The following ZNF804A variants were observed in gnomAD, a reference collection of about 807,000 sequenced individuals.
ZNF804A encodes the protein zinc finger protein 804A.
ZNF804A carries 2 observed loss-of-function variants against 16.5 expected under a neutral mutation model. The ratio of observed to expected loss-of-function variants is 0.12; its 90% CI spans 0.05 to 0.38. The LOEUF is 0.38. Among genes scored for constraint, ZNF804A ranks in the 10% least tolerant of loss-of-function variants. The pLI is 0.99. For missense variants in ZNF804A, 1,473 were observed against 1,390.7 expected (o/e 1.06, Z -0.94); for synonymous variants, 534 against 489.6 (o/e 1.09, Z -1.20).
intron 1 of ZNF804A, among the ~76,000 whole-genome samples, chr2:184,728,472 C>G (rs1217696035): frequency 6.6e-6 from 1 of 151,854 alleles, no homozygotes; most frequent in African/African-American, 2.4e-5. Context: ...CAGCAATAGT[C>G]AGCAAATATC....
At chr2:184,834,138 T>TGCATA (rs1166283732) in intron 1 of ZNF804A, among the ~76,000 whole-genome samples, 1 of 152,084 alleles carries the variant, frequency 6.6e-6, no homozygotes, top group African/African-American at 2.4e-5. Context: ...TAAAAATACT[T>TGCATA]TTTATCTCCA....
intron 1 of ZNF804A, among the ~76,000 whole-genome samples, chr2:184,837,356 A>T (rs1268854201): frequency 6.6e-6 from 1 of 152,034 alleles, no homozygotes; most frequent in Non-Finnish European, 1.5e-5. Flanking sequence ...TTCTAGCGTT[A>T]ATTTTACTTA....
intron 1 of ZNF804A, among the ~76,000 whole-genome samples, chr2:184,657,042 A>G (rs1692089309): frequency 1.3e-5 from 2 of 152,230 alleles, no homozygotes; most frequent in Admixed American, 1.3e-4. Context: ...GTCTATCCTG[A>G]AAATATCTAG....
chr2:184,891,016 A>G (rs1208685130), intron 2 of ZNF804A, among the ~76,000 whole-genome samples: 1 of 152,152 alleles, frequency 6.6e-6, no homozygotes. Flanking sequence ...CATTGTGAGA[A>G]CAAAAGATAA....
intron 1 of ZNF804A, among the ~76,000 whole-genome samples, chr2:184,853,614 A>G (rs1313716557): frequency 6.6e-6 from 1 of 151,118 alleles, no homozygotes; most frequent in Non-Finnish European, 1.5e-5. Context: ...GAGGATGTTG[A>G]GTTTAGTTAA....
At chr2:184,740,061 A>G (rs781482434) in intron 1 of ZNF804A, among the ~76,000 whole-genome samples, 5 of 152,146 alleles carry the variant, frequency 3.3e-5, no homozygotes. Context: ...TTTGTTCATG[A>G]CTTGGTAAAT....
intron 2 of ZNF804A, among the ~76,000 whole-genome samples, chr2:184,884,611 G>C (rs543604385): frequency 6.6e-6 from 1 of 152,126 alleles, no homozygotes; most frequent in East Asian, 1.9e-4. Context: ...CAGAACCATA[G>C]ACCAATGGAA....
intron 1 of ZNF804A, among the ~76,000 whole-genome samples, chr2:184,655,894 T>C (rs1692067844): frequency 6.6e-6 from 1 of 152,104 alleles, no homozygotes; most frequent in Admixed American, 6.5e-5. Flanking sequence ...ATGAAATTTT[T>C]TTATGTGAAT....
chr2:184,911,334 T>C lies in ZNF804A; in HGVS notation c.256-22269T>C, dbSNP rs144205371. ...CTTCGGTTCCATTTGTCTATGTGTTTGTTTTTGTACCAGTACCATGTTGTT... is the reference window on the plus strand; with the variant it reads ...CTTCGGTTCCATTTGTCTATGTGTTCGTTTTTGTACCAGTACCATGTTGTT... On this transcript the variant is annotated intron_variant, in intron 2 of 3. Transcript: ENST00000302277. Among the ~76,000 whole-genome samples, 248 of 152,220 alleles carry C rather than the reference T, an allele frequency of 1.6e-3. 1 individual carries two copies. The highest frequency in any genetic ancestry group is 3.5e-3 in the Admixed American group (54 of 15,268).
intron 1 of ZNF804A, among the ~76,000 whole-genome samples, chr2:184,737,874 A>C (rs1430399264): frequency 1.3e-5 from 2 of 152,188 alleles, no homozygotes; most frequent in African/African-American, 4.8e-5. Flanking sequence ...TTATAATCCC[A>C]GCACTTTGGA....
chr2:184,854,873 A>G (rs1462704196), intron 1 of ZNF804A, among the ~76,000 whole-genome samples: 1 of 152,096 alleles, frequency 6.6e-6, no homozygotes, highest in Non-Finnish European at 1.5e-5. Context: ...ATCTATCACA[A>G]TGAACTATAA....
chr2:184,892,635 C>T (rs1465537521), intron 2 of ZNF804A, among the ~76,000 whole-genome samples: 1 of 151,984 alleles, frequency 6.6e-6, no homozygotes, highest in African/African-American at 2.4e-5. Context: ...AGGCACGCGC[C>T]ACCATGCCCG....
chr2:184,634,289 C>T (rs953679477), intron 1 of ZNF804A, among the ~76,000 whole-genome samples: 1 of 152,272 alleles, frequency 6.6e-6, no homozygotes, highest in South Asian at 2.1e-4. Context: ...ATAGAAAAGG[C>T]ATATCCTAGT....
chr2:184,870,303 T>C (rs1363128863), intron 2 of ZNF804A, among the ~76,000 whole-genome samples: 3 of 152,030 alleles, frequency 2.0e-5, no homozygotes, highest in Admixed American at 6.6e-5. Context: ...ACACTCAGGA[T>C]AGTGGTTACT....
intron 1 of ZNF804A, among the ~76,000 whole-genome samples, chr2:184,622,164 G>T (rs1051869285): frequency 6.6e-6 from 1 of 151,698 alleles, no homozygotes; most frequent in South Asian, 2.1e-4. Context: ...TCTCTCACAC[G>T]TCAAGTTCAT....
Position 184,933,699 on chromosome 2 carries a change from C to T in ZNF804A, c.352C>T (p.His118Tyr). Residue 118 changes from histidine (H) to tyrosine (Y), a missense_variant, in exon 3 of 4, where the codon CAC (histidine) becomes TAC (tyrosine). By Grantham distance (83) the His-to-Tyr change is moderately conservative. Transcript: ENST00000302277. ...RKQEKALQRL[H>Y]KLAELRKETV... ...ACAGGAAAAGGCACTCCAACGCCTG[C>T]ACAAGCTGGCTGAGCTAAGAAAGGA... 6.2e-7 allele frequency: 1 copy of T among 1,607,580 alleles called. No individual in the cohort carries two copies.
At chr2:184,839,074 A>G (rs547721488) in intron 1 of ZNF804A, among the ~76,000 whole-genome samples, 26 of 152,232 alleles carry the variant, frequency 1.7e-4, no homozygotes, top group African/African-American at 5.5e-4. Flanking sequence ...TAACATTCTC[A>G]TATTTTTTGT....
intron 1 of ZNF804A, among the ~76,000 whole-genome samples, chr2:184,693,788 C>T (rs1169982232): frequency 2.0e-5 from 3 of 151,700 alleles, no homozygotes; most frequent in African/African-American, 7.3e-5. Flanking sequence ...GATTTATTCT[C>T]GCTTTGCTCC....
Position 184,761,567 on chromosome 2 carries a change from A to G in ZNF804A, c.112-104802A>G, listed in dbSNP as rs182919264. On this transcript the variant is annotated intron_variant, in intron 1 of 3. Coordinates refer to ENST00000302277, the MANE Select transcript of ZNF804A (RefSeq NM_194250.2). ...GTACATAATTTTAAATATAATGGGA[A>G]AATGAATCCCGGACTTATTTACTGA... 4.2e-3 allele frequency among the ~76,000 whole-genome samples: 638 copies of G among 152,242 alleles called. 5 individuals are homozygous for G. Among genetic ancestry groups the G allele is most frequent in the African/African-American group, 0.015 (606 of 41,554 alleles).
Sources: gnomAD v4.1 joint callset for allele counts (sites outside exome capture counted in the v4.1 genomes callset) on GRCh38, gnomAD v4.1.1 for gene constraint, MANE v1.5 for transcripts, NCBI Gene and HGNC (gene_info 2026-07-23, HGNC 2026-07-21) for gene names.